The following ASIC2 variants were observed in gnomAD, a reference collection of about 807,000 sequenced individuals.
ASIC2 encodes acid-sensing ion channel 2.
A neutral mutation model predicts 57.3 loss-of-function variants in ASIC2; 25 were observed. That is an observed-to-expected ratio of 0.44 (90% CI 0.32 to 0.61). The LOEUF is 0.61. Ranked by LOEUF, ASIC2 falls within the 20% of genes least tolerant of loss-of-function variation. ASIC2 has a pLI of 0.06. For missense variants in ASIC2, 641 were observed against 738.1 expected (o/e 0.87, Z 1.52); for synonymous variants, 319 against 307.5 (o/e 1.04, Z -0.39).
chr17:33,223,308 G>A (rs889256143), intron 1 of ASIC2, among the ~76,000 whole-genome samples: 1 of 151,950 alleles, frequency 6.6e-6, no homozygotes, highest in African/African-American at 2.4e-5. Context: ...TCAGCCTCCT[G>A]AGTAGCTGGG....
chr17:33,488,499 C>T (rs1410958407), intron 1 of ASIC2, among the ~76,000 whole-genome samples: 1 of 152,114 alleles, frequency 6.6e-6, no homozygotes, highest in African/African-American at 2.4e-5. Context: ...ATTTTGGATG[C>T]TTTTTATTTG....
chr17:33,677,130 T>C (rs1907847423), intron 1 of ASIC2, among the ~76,000 whole-genome samples: 1 of 151,780 alleles, frequency 6.6e-6, no homozygotes, highest in African/African-American at 2.4e-5. Flanking sequence ...TATTTCTTGG[T>C]AGCAATGCAA....
chr17:33,314,439 A>G (rs779688149), intron 1 of ASIC2, among the ~76,000 whole-genome samples: 1 of 152,198 alleles, frequency 6.6e-6, no homozygotes, highest in Non-Finnish European at 1.5e-5. Flanking sequence ...GATTCCAGCA[A>G]AAGAATCCAT....
At chr17:33,812,182 G>A (rs1378093574) in intron 1 of ASIC2, among the ~76,000 whole-genome samples, 3 of 152,090 alleles carry the variant, frequency 2.0e-5, no homozygotes, top group Non-Finnish European at 4.4e-5. Flanking sequence ...TACCCACAGA[G>A]GGATCAGCAG....
Position 34,156,334 on chromosome 17 carries a change from A to G in ASIC2, c.199T>C (p.Tyr67His). The G allele has an allele frequency of 9.9e-6, 16 of 1,614,210 alleles. No individual in the cohort carries two copies. Among genetic ancestry groups the G allele is most frequent in the Non-Finnish European group, 1.4e-5 (16 of 1,180,030 alleles). ...TTAGTGACATGCTGGTAGGAGAAGTAGTAGGACACCCTCTCAGAGCTCTCC... is the reference window on the plus strand; with the variant it reads ...TTAGTGACATGCTGGTAGGAGAAGTGGTAGGACACCCTCTCAGAGCTCTCC... The change falls in exon 1 of 10, where the codon TAC (tyrosine) becomes CAC (histidine). Residue 67 changes from tyrosine (Y) to histidine (H), a missense_variant. By Grantham distance (83) the Tyr-to-His change is moderately conservative. Transcript: ENST00000359872. The surrounding 1 kb of genome is among the most constrained non-coding windows in gnomAD (Gnocchi z 4.4).
At chr17:33,166,325 G>T (rs7218135) in intron 1 of ASIC2, among the ~76,000 whole-genome samples, 33,619 of 152,080 alleles carry the variant, frequency 0.22, 5,555 homozygotes, top group African/African-American at 0.44. Flanking sequence ...TACTTCCTTT[G>T]CTGTCTTCTC....
rs116671283 is a variant in ASIC2, at chr17:33,046,035, C to T, written c.988-17643G>A. Among the ~76,000 whole-genome samples the T allele has an allele frequency of 9.7e-3, 1,478 of 152,296 alleles. 26 individuals carry two copies. Among genetic ancestry groups the T allele is most frequent in the African/African-American group, 0.033 (1,383 of 41,560 alleles). On this transcript the variant is annotated intron_variant, in intron 3 of 9. Transcript: ENST00000225823. ...ATGAAGCCTCCAGAGAGTGCACAGG[C>T]GCAGCCGTGAATTGTTTGTTTCCCT...
At chr17:33,395,819 G>A (rs1431023276) in intron 1 of ASIC2, among the ~76,000 whole-genome samples, 4 of 152,064 alleles carry the variant, frequency 2.6e-5, no homozygotes, top group Admixed American at 6.5e-5. Flanking sequence ...TTGGAAGAAA[G>A]AGCAATGACT....
chr17:33,465,372 CTTTTTTTT>C lies in ASIC2; in HGVS notation c.556-353313_556-353306del, dbSNP rs67424466. The stretch of plus-strand genomic sequence containing the variant: ...GAGTGTGGGCCTTTTTTTTCTTTTT[CTTTTTTTT>C]TTTTTTTTTTGAGATGGAGTCTCAC... On this transcript the variant is annotated intron_variant, in intron 1 of 9. Transcript: ENST00000359872. Among the ~76,000 whole-genome samples the C allele has an allele frequency of 1.0e-4, 9 of 88,282 alleles. No individual in the cohort carries two copies. In the East Asian group the frequency reaches 1.9e-3, roughly 19 times the overall value. The allele number at this position is 88,282 out of a possible 152,430, so 57.9% of individuals were successfully genotyped here. A position where few individuals can be genotyped will look rare whatever the true frequency, so the allele number is the denominator to read the frequency against.
At chr17:33,741,584 A>G (rs1464865941) in intron 1 of ASIC2, among the ~76,000 whole-genome samples, 1 of 152,202 alleles carries the variant, frequency 6.6e-6, no homozygotes, top group East Asian at 1.9e-4. Context: ...GGTGATGAAG[A>G]GTCTCCTGGA....
chr17:33,738,536 C>G (rs913418283), intron 1 of ASIC2, among the ~76,000 whole-genome samples: 2 of 152,182 alleles, frequency 1.3e-5, no homozygotes, highest in African/African-American at 4.8e-5. Context: ...ATGAGTCTCC[C>G]TGAGCCAATA....
At chr17:33,745,183 G>A (rs914312682) in intron 1 of ASIC2, among the ~76,000 whole-genome samples, 7 of 152,166 alleles carry the variant, frequency 4.6e-5, no homozygotes, top group East Asian at 1.9e-4. Flanking sequence ...CCCCAGTTCC[G>A]CCTGATGAAA....
intron 1 of ASIC2, among the ~76,000 whole-genome samples, chr17:33,767,625 C>T (rs769057883): frequency 1.9e-4 from 29 of 152,170 alleles, no homozygotes; most frequent in Non-Finnish European, 4.0e-4. Context: ...TAAGTTAAAT[C>T]TCTACTTAAT....
chr17:33,189,960 T>TCCC (rs144049862), intron 1 of ASIC2, among the ~76,000 whole-genome samples: 4 of 152,152 alleles, frequency 2.6e-5, no homozygotes, highest in Non-Finnish European at 4.4e-5. Context: ...TCCCCTACGA[T>TCCC]CAAGGCAAGG....
At chr17:33,572,975 A>C (rs894616237) in intron 1 of ASIC2, among the ~76,000 whole-genome samples, 1 of 152,130 alleles carries the variant, frequency 6.6e-6, no homozygotes, top group East Asian at 1.9e-4. Context: ...CATATTTTGG[A>C]GTTGACTATG....
intron 1 of ASIC2, among the ~76,000 whole-genome samples, chr17:34,078,463 C>A (rs1909752705): frequency 6.6e-6 from 1 of 152,176 alleles, no homozygotes; most frequent in Admixed American, 6.5e-5. Context: ...GCCCAACCCA[C>A]CGCAGAGGCA....
intron 1 of ASIC2, among the ~76,000 whole-genome samples, chr17:33,280,201 A>C (rs1360623317): frequency 2.6e-5 from 4 of 152,148 alleles, no homozygotes; most frequent in Non-Finnish European, 5.9e-5. Flanking sequence ...TGAAAGCCCG[A>C]AACACTCATC....
intron 1 of ASIC2, among the ~76,000 whole-genome samples, chr17:33,348,014 A>T (rs557690011): frequency 6.6e-6 from 1 of 152,296 alleles, no homozygotes; most frequent in East Asian, 1.9e-4. Flanking sequence ...AGGTAGAAGA[A>T]TCGCTTGAAC....
At chr17:33,499,965 G>A (rs1206668740) in intron 1 of ASIC2, among the ~76,000 whole-genome samples, 1 of 152,026 alleles carries the variant, frequency 6.6e-6, no homozygotes, top group Non-Finnish European at 1.5e-5. Context: ...AAGCCAACAA[G>A]TTAACTTTTT....
Sources: gnomAD v4.1 joint callset for allele counts (sites outside exome capture counted in the v4.1 genomes callset) on GRCh38, gnomAD v4.1.1 for gene constraint, Gnocchi (gnomAD v3.1) non-coding constraint, MANE v1.5 for transcripts, NCBI Gene and HGNC (gene_info 2026-07-23, HGNC 2026-07-21) for gene names.